The following C14orf39 variants were observed in gnomAD, a reference collection of about 807,000 sequenced individuals.
C14orf39 encodes the protein chromosome 14 open reading frame 39.
Under a neutral mutation model 85.6 loss-of-function variants are expected in C14orf39, and 66 were observed. The observed-to-expected ratio is 0.77, with a 90% CI of 0.63 to 0.95. The LOEUF (loss-of-function observed/expected upper bound fraction) is 0.95, where lower values mean the gene tolerates loss of function less well. C14orf39 is among the 40% of genes least tolerant of loss of function. The probability of loss-of-function intolerance (pLI) is 0.00; values close to 1 mark genes in which losing one functional copy is unlikely to be tolerated. For synonymous variants in C14orf39, 242 were observed against 214.0 expected, an observed-to-expected ratio of 1.13 and a Z score of -1.14; for missense variants, 735 against 663.9, an observed-to-expected ratio of 1.11 and a Z score of -1.18.
At position 60,461,404 on chromosome 14, in the gene C14orf39, G is replaced by C; in HGVS notation, c.1067C>G (p.Thr356Ser). 1.2e-6 allele frequency: 2 copies of C among 1,608,396 alleles called. No homozygotes were observed. Among genetic ancestry groups the C allele is most frequent in the East Asian group, 4.5e-5 (2 of 44,700 alleles). ...ATTGGAATTTGATTGTTTCTGTGGG[G>C]TTAACAATCTAAAATGGAATAAATA... ...SQKFMQVRLL[T>S]PQKQSNSNQW... The change falls in exon 13 of 18, where the codon ACC becomes AGC. Residue 356 changes from threonine to serine, a missense_variant. Thr to Ser is a moderately conservative substitution (Grantham distance 58). Transcript: ENST00000321731.
At chr14:60,472,973 T>C (rs1396205582) in intron 5 of C14orf39, among the ~76,000 whole-genome samples, 1 of 152,176 alleles carries the variant, frequency 6.6e-6, no homozygotes, top group Non-Finnish European at 1.5e-5. Flanking sequence ...CCCTGAGGAA[T>C]TGCCACACTG....
chr14:60,471,518 CATA>C (rs1484789108), intron 6 of C14orf39, 31 bp downstream of exon 6: 3 of 1,567,674 alleles, frequency 1.9e-6, no homozygotes, highest in Non-Finnish European at 2.6e-6. Context: ...ACAAAGATAT[CATA>C]ATTAAAACAA....
rs1890237715 is a variant in C14orf39, at chr14:60,436,097, A to G, written c.*748T>C. On this transcript the variant is annotated 3_prime_UTR_variant, in exon 18 of 18. Transcript: ENST00000321731. ...TAAGCTATATAATTAATTGACAAAT[A>G]CTGAACACAAAACATAAAGAAGAAA... is the stretch of plus-strand genomic sequence containing the variant. The G allele has an allele frequency of 6.6e-6, 1 of 152,172 alleles. No individual in the cohort carries two copies. The highest frequency in any genetic ancestry group is 2.4e-5 in the African/African-American group (1 of 41,464). 9.4% of individuals were successfully genotyped at this position (152,172 alleles called of 1,614,324 possible).
chr14:60,458,580 C>A, intron 14 of C14orf39, 98 bp downstream of exon 14: 1 of 788,254 alleles, frequency 1.3e-6, no homozygotes. Flanking sequence ...CTAACAACAT[C>A]TCACATAAAT....
upstream of C14orf39, among the ~76,000 whole-genome samples, chr14:60,490,941 T>C (rs1892981056): frequency 6.6e-6 from 1 of 152,224 alleles, no homozygotes; most frequent in Admixed American, 6.5e-5. Context: ...GGTAGATATA[T>C]TTCATTAAAG....
chr14:60,458,390 G>T (rs1011188740), intron 14 of C14orf39, among the ~76,000 whole-genome samples: 1 of 151,754 alleles, frequency 6.6e-6, no homozygotes, highest in African/African-American at 2.4e-5. Flanking sequence ...TTCTGTACTT[G>T]GTTTATTTTG....
chr14:60,437,901 C>T (rs1476847742), intron 17 of C14orf39, among the ~76,000 whole-genome samples: 1 of 151,306 alleles, frequency 6.6e-6, no homozygotes, highest in Non-Finnish European at 1.5e-5. Flanking sequence ...CCCAGAATTG[C>T]CATTAAGGAA....
At chr14:60,476,524 C>T (rs1474586159) in intron 5 of C14orf39, among the ~76,000 whole-genome samples, 1 of 152,162 alleles carries the variant, frequency 6.6e-6, no homozygotes, top group African/African-American at 2.4e-5. Flanking sequence ...ATTGAAGCAT[C>T]AATTCAATTA....
chr14:60,475,640 G>A (rs1338340251), intron 5 of C14orf39, among the ~76,000 whole-genome samples: 2 of 152,076 alleles, frequency 1.3e-5, no homozygotes, highest in South Asian at 4.1e-4. Flanking sequence ...GCCATAATAG[G>A]AGAGTGGAGT....
At chr14:60,471,492 T>C (rs778596414) in intron 6 of C14orf39, 33 bp from the exon 7 acceptor site, 7 of 1,580,592 alleles carry the variant, frequency 4.4e-6, no homozygotes, top group African/African-American at 4.1e-5. Flanking sequence ...AAGCTGATTA[T>C]TATATTCTTT....
intron 14 of C14orf39, 87 bp downstream of exon 14, chr14:60,458,591 C>A: frequency 1.1e-6 from 1 of 889,966 alleles, no homozygotes; most frequent in Non-Finnish European, 1.8e-6. Flanking sequence ...TCACATAAAT[C>A]ACTGTACTAA....
chr14:60,474,763 G>C (rs1892286051), intron 5 of C14orf39, among the ~76,000 whole-genome samples: 1 of 151,970 alleles, frequency 6.6e-6, no homozygotes, highest in Non-Finnish European at 1.5e-5. Context: ...ACTTGATCAT[G>C]GTGGATAAGC....
chr14:60,459,621 C>T (rs1426336815), intron 13 of C14orf39, among the ~76,000 whole-genome samples: 5 of 151,620 alleles, frequency 3.3e-5, no homozygotes, highest in Non-Finnish European at 7.4e-5. Context: ...TGGAGAATTC[C>T]TATTGTCCTA....
chr14:60,461,864 C>A lies in C14orf39; in HGVS notation c.973-271G>T, dbSNP rs569250610. On this transcript the variant is annotated intron_variant, in intron 11 of 17. Coordinates refer to ENST00000321731, the MANE Select transcript of C14orf39 (RefSeq NM_174978.3). ...TAGTATTTCTGTATTTAAGATAAAC[C>A]TTTTAAAATTTATACCACCCATATT... Among the ~76,000 whole-genome samples, 8 of 152,050 alleles carry A rather than the reference C, an allele frequency of 5.3e-5. No homozygotes were observed. In the South Asian group the frequency reaches 1.2e-3, roughly 24 times the overall value.
chr14:60,474,698 T>A (rs1892281660), intron 5 of C14orf39, among the ~76,000 whole-genome samples: 3 of 152,054 alleles, frequency 2.0e-5, no homozygotes, highest in Admixed American at 2.0e-4. Context: ...GATGCTGGAT[T>A]ACATTTATTG....
intron 1 of C14orf39, chr14:60,511,080 G>A (rs1420940644): frequency 1.2e-6 from 2 of 1,612,452 alleles, no homozygotes; most frequent in Non-Finnish European, 1.7e-6. Flanking sequence ...TTTCTTCCCC[G>A]TAGACTCCAG....
At chr14:60,477,921 T>C (rs2140144175) in intron 5 of C14orf39, among the ~76,000 whole-genome samples, 1 of 152,182 alleles carries the variant, frequency 6.6e-6, no homozygotes, top group South Asian at 2.1e-4. Context: ...GGGTCATGCC[T>C]GTAATCCCAG....
chr14:60,507,221 G>C (rs1250887945), intron 1 of C14orf39, among the ~76,000 whole-genome samples: 1 of 152,130 alleles, frequency 6.6e-6, no homozygotes, highest in Non-Finnish European at 1.5e-5. Context: ...ACTGGAGCAA[G>C]GGGGTGCTTT....
At chr14:60,465,912 G>T in intron 11 of C14orf39, 67 bp downstream of exon 11, 19 of 760,012 alleles carry the variant, frequency 2.5e-5, no homozygotes, top group Non-Finnish European at 3.7e-5. Context: ...CTTAAGGGCA[G>T]TACATTCATT....
Sources: allele counts gnomAD v4.1 joint callset (sites outside exome capture counted in the v4.1 genomes callset), GRCh38; gene constraint gnomAD v4.1.1; transcripts MANE v1.5; gene names NCBI Gene and HGNC (gene_info 2026-07-23, HGNC 2026-07-21).